Variants in SCFD2 observed in about 807,000 individuals in gnomAD.
SCFD2 encodes sec1 family domain containing 2, also known as sec1 family domain-containing protein 2.
SCFD2 carries 54 observed loss-of-function variants against 58.9 expected under a neutral mutation model. The ratio of observed to expected loss-of-function variants is 0.92; its 90% CI spans 0.74 to 1.15. SCFD2 has a LOEUF of 1.15. Ranked by LOEUF, SCFD2 falls within the 50% of genes most tolerant of loss-of-function variation. The pLI is 0.00. For synonymous variants in SCFD2, 321 were observed against 335.9 expected, an observed-to-expected ratio of 0.96 and a Z score of 0.49; for missense variants, 805 against 836.6, an observed-to-expected ratio of 0.96 and a Z score of 0.47.
intron 5 of SCFD2, among the ~76,000 whole-genome samples, chr4:52,927,062 G>A (rs1719880391): frequency 1.3e-5 from 2 of 152,106 alleles, no homozygotes; most frequent in Non-Finnish European, 2.9e-5. Flanking sequence ...GACAGTCCCG[G>A]GAAGTGCATA....
intron 4 of SCFD2, among the ~76,000 whole-genome samples, chr4:53,256,008 G>A (rs1183958621): frequency 7.3e-5 from 11 of 149,910 alleles, no homozygotes; most frequent in East Asian, 4.1e-4. Flanking sequence ...GCGGCTGGCC[G>A]GGCGGGGGTC....
At chr4:53,028,348 ATACT>A (rs1359376206) in intron 5 of SCFD2, among the ~76,000 whole-genome samples, 1 of 152,220 alleles carries the variant, frequency 6.6e-6, no homozygotes, top group African/African-American at 2.4e-5. Context: ...ATTAGACAAA[ATACT>A]GCCAATATTT....
chr4:52,892,283 C>T (rs1560472025), intron 7 of SCFD2, among the ~76,000 whole-genome samples: 2 of 152,214 alleles, frequency 1.3e-5, no homozygotes, highest in Non-Finnish European at 2.9e-5. Flanking sequence ...GCCCCCTTGT[C>T]CCCTTGGCCC....
At chr4:53,137,656 A>C (rs1725982246) in intron 5 of SCFD2, among the ~76,000 whole-genome samples, 1 of 152,342 alleles carries the variant, frequency 6.6e-6, no homozygotes, top group South Asian at 2.1e-4. Flanking sequence ...CTTTACACTA[A>C]GCCTAAACAG....
intron 2 of SCFD2, among the ~76,000 whole-genome samples, chr4:53,323,355 A>C (rs1180796627): frequency 1.4e-4 from 21 of 152,020 alleles, no homozygotes; most frequent in Admixed American, 1.4e-3. Flanking sequence ...TGAGGAGAGA[A>C]GAATATACAG....
intron 5 of SCFD2, among the ~76,000 whole-genome samples, chr4:53,121,346 C>T (rs1480539934): frequency 6.6e-6 from 1 of 152,168 alleles, no homozygotes; most frequent in Non-Finnish European, 1.5e-5. Context: ...CCCACCAGTT[C>T]CTACCATTCC....
In SCFD2 at chr4:53,222,849, A is replaced by C. The variant is rs1477147319; in HGVS notation, c.1311+50977T>G. Among the ~76,000 whole-genome samples, 3 of 152,162 alleles carry C rather than the reference A, an allele frequency of 2.0e-5. No homozygotes were observed. The East Asian group carries it at 5.8e-4, about 29-fold the overall frequency. On this transcript the variant is annotated intron_variant, in intron 4 of 8. Transcript: ENST00000401642. ...ACTGTTATCTTTGAAAAGTAATATA[A>C]CTTCAGCTTTATGCATTTAATTTGG...
intron 5 of SCFD2, among the ~76,000 whole-genome samples, chr4:53,131,215 G>T (rs1251093003): frequency 6.6e-6 from 1 of 152,158 alleles, no homozygotes; most frequent in African/African-American, 2.4e-5. Context: ...TGTAATAATA[G>T]ATAAAAAAGC....
chr4:52,877,497 G>A (rs1718500920), intron 8 of SCFD2, among the ~76,000 whole-genome samples: 1 of 152,176 alleles, frequency 6.6e-6, no homozygotes, highest in South Asian at 2.1e-4. Context: ...GAATGACCCT[G>A]GAGAAGTTGC....
chr4:53,217,037 A>C (rs1728866314), intron 4 of SCFD2, among the ~76,000 whole-genome samples: 1 of 152,170 alleles, frequency 6.6e-6, no homozygotes, highest in Non-Finnish European at 1.5e-5. Flanking sequence ...CTGTTCTTTT[A>C]CATTTGCTGA....
chr4:52,970,295 T>C (rs945690941), intron 5 of SCFD2, among the ~76,000 whole-genome samples: 1 of 152,234 alleles, frequency 6.6e-6, no homozygotes, highest in Non-Finnish European at 1.5e-5. Context: ...AGACAGCACC[T>C]GGAAAATCGG....
At chr4:53,096,035 C>T (rs1329864325) in intron 5 of SCFD2, among the ~76,000 whole-genome samples, 2 of 152,142 alleles carry the variant, frequency 1.3e-5, no homozygotes, top group African/African-American at 4.8e-5. Context: ...CATGTCCCTA[C>T]AAAGGACATG....
chr4:53,147,757 T>A (rs1235184776), intron 4 of SCFD2, among the ~76,000 whole-genome samples: 2 of 152,242 alleles, frequency 1.3e-5, no homozygotes, highest in Non-Finnish European at 2.9e-5. Flanking sequence ...TAAAATATAC[T>A]ACCACTAATG....
intron 5 of SCFD2, among the ~76,000 whole-genome samples, chr4:53,099,080 G>T (rs7661029): frequency 6.6e-6 from 1 of 152,010 alleles, no homozygotes; most frequent in African/African-American, 2.4e-5. Context: ...AGTGTCTGGC[G>T]CTCAGTAAGT....
chr4:52,984,140 G>C (rs1721437255), intron 5 of SCFD2, among the ~76,000 whole-genome samples: 1 of 152,186 alleles, frequency 6.6e-6, no homozygotes, highest in African/African-American at 2.4e-5. Context: ...CCCCTGCCAG[G>C]TTCCCAAACA....
chr4:53,335,852 C>T (rs911313478), intron 2 of SCFD2, among the ~76,000 whole-genome samples: 7 of 152,106 alleles, frequency 4.6e-5, no homozygotes, highest in African/African-American at 1.7e-4. Context: ...GAAATGCAGC[C>T]ATACCAAGCA....
chr4:53,319,924 T>G (rs1732977454), intron 2 of SCFD2, among the ~76,000 whole-genome samples: 1 of 152,228 alleles, frequency 6.6e-6, no homozygotes, highest in Non-Finnish European at 1.5e-5. Context: ...AAAGGAGGAT[T>G]ACAGCTCAGG....
At chr4:52,993,162 A>C (rs553243810) in intron 5 of SCFD2, among the ~76,000 whole-genome samples, 224 of 137,826 alleles carry the variant, frequency 1.6e-3, no homozygotes, top group South Asian at 4.1e-3. Context: ...GGGCGGTGCA[A>C]GATGTGCTTT....
chr4:53,257,646 C>A (rs1730687066), intron 4 of SCFD2, among the ~76,000 whole-genome samples: 1 of 151,936 alleles, frequency 6.6e-6, no homozygotes, highest in African/African-American at 2.4e-5. Flanking sequence ...TACAATATTG[C>A]AAAAAATAAT....
Sources: allele counts gnomAD v4.1 joint callset (sites outside exome capture counted in the v4.1 genomes callset), GRCh38; gene constraint gnomAD v4.1.1; transcripts MANE v1.5; gene names NCBI Gene and HGNC (gene_info 2026-07-23, HGNC 2026-07-21).